The following CA8 variants were observed in gnomAD, a reference collection of about 807,000 sequenced individuals.
CA8 encodes carbonic anhydrase-related protein.
In CA8, 22 loss-of-function variants were observed where a neutral mutation model predicts 41.4. The ratio of observed to expected loss-of-function variants is 0.53; its 90% confidence interval spans 0.38 to 0.76. The LOEUF is 0.76. CA8 is among the 30% of genes least tolerant of loss of function. The pLI is 0.00. For synonymous variants in CA8, 121 were observed against 130.6 expected, an observed-to-expected ratio of 0.93 and a Z score of 0.50; for missense variants, 270 against 352.8, an observed-to-expected ratio of 0.77 and a Z score of 1.88.
Position 60,186,525 on chromosome 8 carries a change from A to G in CA8, c.*3496T>C, listed in dbSNP as rs973447576. On this transcript the variant is annotated 3_prime_UTR_variant, in exon 9 of 9. Transcript: ENST00000317995. ...AAAGATACAAGACATGTGGAAAACA[A>G]AAAGTAAAATGGCAGACACAAATCC... Among the ~76,000 whole-genome samples the G allele has an allele frequency of 6.6e-5, 10 of 151,974 alleles. No homozygotes were observed. Among genetic ancestry groups the G allele is most frequent in the Non-Finnish European group, 1.3e-4 (9 of 67,898 alleles).
Position 60,256,772 on chromosome 8 carries a change from T to C in CA8, c.417+9153A>G, listed in dbSNP as rs2130566844. On this transcript the variant is annotated intron_variant, in intron 3 of 8. Coordinates refer to ENST00000317995, the MANE Select transcript of CA8 (RefSeq NM_004056.6). ...CAGTGATAAAACAAATTTTACTGTA[T>C]ATGCATGCATAATCATCATAATAAA... Among the ~76,000 whole-genome samples, 2 of 152,302 alleles carry C rather than the reference T, an allele frequency of 1.3e-5. 1 individual carries two copies. Among genetic ancestry groups the C allele is most frequent in the Middle Eastern group, 6.8e-3 (2 of 294 alleles).
chr8:60,230,706 T>G (rs1346558240), intron 4 of CA8, among the ~76,000 whole-genome samples: 2 of 152,198 alleles, frequency 1.3e-5, no homozygotes, highest in Non-Finnish European at 1.5e-5. Context: ...CAGAAACTTA[T>G]GAAAAGTTAG....
Position 60,226,224 on chromosome 8 carries a change from C to T in CA8, c.576+649G>A, listed in dbSNP as rs1163581770. On this transcript the variant is annotated intron_variant, in intron 5 of 8. Transcript: ENST00000317995. ...GCAAGCCTGAGTTGCTCAAACCCTG[C>T]ACATCCCATATAAAGGCCTGTCTTC... 2.0e-5 allele frequency among the ~76,000 whole-genome samples: 3 copies of T among 152,118 alleles called. No individual in the cohort carries two copies. In the East Asian group the frequency reaches 5.8e-4, roughly 29 times the overall value.
chr8:60,219,069 A>G (rs1305859708), intron 7 of CA8, among the ~76,000 whole-genome samples: 4 of 152,076 alleles, frequency 2.6e-5, no homozygotes, highest in African/African-American at 9.7e-5. Flanking sequence ...GCCTCAGGAA[A>G]GTGCCTCAGG....
intron 3 of CA8, among the ~76,000 whole-genome samples, chr8:60,235,465 A>G (rs1807797567): frequency 6.6e-6 from 1 of 152,200 alleles, no homozygotes; most frequent in South Asian, 2.1e-4. Context: ...CAGGGACACA[A>G]TTCTGCCCAT....
At chr8:60,271,093 G>A (rs1287594411) in intron 2 of CA8, among the ~76,000 whole-genome samples, 2 of 152,100 alleles carry the variant, frequency 1.3e-5, no homozygotes, top group African/African-American at 2.4e-5. Context: ...CTGTAATCCC[G>A]GTTCTAAGGG....
intron 2 of CA8, among the ~76,000 whole-genome samples, chr8:60,269,650 G>A (rs545753041): frequency 6.6e-6 from 1 of 152,290 alleles, no homozygotes; most frequent in East Asian, 1.9e-4. Flanking sequence ...AAATTTACCA[G>A]ATAATTCAAA....
chr8:60,247,150 T>A (rs1181177406), intron 3 of CA8, among the ~76,000 whole-genome samples: 2 of 152,190 alleles, frequency 1.3e-5, no homozygotes, highest in African/African-American at 4.8e-5. Flanking sequence ...CCCAAAGTGC[T>A]GGGATTACAG....
intron 3 of CA8, among the ~76,000 whole-genome samples, chr8:60,247,135 G>A (rs181142465): frequency 1.7e-4 from 26 of 152,048 alleles, no homozygotes; most frequent in African/African-American, 5.3e-4. Context: ...CGCCCATCTC[G>A]GCCTCCCAAA....
At chr8:60,227,508 G>A (rs1227741614) in intron 4 of CA8, among the ~76,000 whole-genome samples, 1 of 150,514 alleles carries the variant, frequency 6.6e-6, no homozygotes, top group Non-Finnish European at 1.5e-5. Context: ...TTTGCTATAT[G>A]TAGTATATCA....
At chr8:60,218,944 A>G (rs1035214341) in intron 7 of CA8, among the ~76,000 whole-genome samples, 1 of 151,786 alleles carries the variant, frequency 6.6e-6, no homozygotes, top group African/African-American at 2.4e-5. Flanking sequence ...TCAGAAATAC[A>G]AAGTCAGCAA....
At chr8:60,237,975 A>G (rs1807891149) in intron 3 of CA8, among the ~76,000 whole-genome samples, 1 of 152,236 alleles carries the variant, frequency 6.6e-6, no homozygotes, top group South Asian at 2.1e-4. Context: ...GACCACAGGA[A>G]AACAACCATG....
chr8:60,241,456 AAAG>A (rs1413760375), intron 3 of CA8, among the ~76,000 whole-genome samples: 1 of 152,198 alleles, frequency 6.6e-6, no homozygotes, highest in African/African-American at 2.4e-5. Flanking sequence ...TAATTTATAA[AAAG>A]AAGATCTTAT....
chr8:60,262,606 T>C (rs968896353), intron 3 of CA8, among the ~76,000 whole-genome samples: 36 of 152,228 alleles, frequency 2.4e-4, no homozygotes, highest in African/African-American at 7.0e-4. Flanking sequence ...TAGTCCCAGC[T>C]ACTCAGGAAG....
chr8:60,245,305 A>C (rs1219951432), intron 3 of CA8, among the ~76,000 whole-genome samples: 4 of 152,176 alleles, frequency 2.6e-5, no homozygotes, highest in Non-Finnish European at 5.9e-5. Flanking sequence ...AAGTGGAGGA[A>C]TTTTTCTTGC....
chr8:60,267,364 A>G (rs1022677897), intron 2 of CA8, among the ~76,000 whole-genome samples: 2 of 152,214 alleles, frequency 1.3e-5, no homozygotes, highest in Admixed American at 1.3e-4. Flanking sequence ...CAGCTCAAAC[A>G]ACGAAGACAA....
At chr8:60,257,789 T>G (rs1371935465) in intron 3 of CA8, among the ~76,000 whole-genome samples, 1 of 152,244 alleles carries the variant, frequency 6.6e-6, no homozygotes, top group Non-Finnish European at 1.5e-5. Context: ...AAATATTTTG[T>G]GTGGTTGACA....
At chr8:60,226,966 C>A in intron 4 of CA8, 31 bp from the exon 5 acceptor site, 1 of 1,490,292 alleles carries the variant, frequency 6.7e-7, no homozygotes, top group Non-Finnish European at 9.4e-7. Flanking sequence ...ACCACAACCA[C>A]AACATTTTTC....
rs542474623 is a variant in CA8, at chr8:60,240,978, CAG to C, written c.418-8601_418-8600del. On this transcript the variant is annotated intron_variant, in intron 3 of 8. Coordinates refer to ENST00000317995, the MANE Select transcript of CA8 (RefSeq NM_004056.6). ...AAGGAAAAAAAGGGGGAAAAGGAAA[CAG>C]AAAGTAGAACATTTAAGTCACAAAA... 9.2e-3 allele frequency among the ~76,000 whole-genome samples: 1,395 copies of C among 152,184 alleles called. 7 individuals are homozygous for C. Among genetic ancestry groups the C allele is most frequent in the Non-Finnish European group, 0.015 (1,015 of 67,972 alleles).
Sources: gnomAD v4.1 joint callset for allele counts (sites outside exome capture counted in the v4.1 genomes callset) on GRCh38, gnomAD v4.1.1 for gene constraint, MANE v1.5 for transcripts, NCBI Gene and HGNC (gene_info 2026-07-23, HGNC 2026-07-21) for gene names.